TMEM272: variants seen among roughly 807,000 people sequenced by gnomAD.
TMEM272 encodes transmembrane protein 272, also known as long intergenic non-protein coding RNA 282.
In TMEM272, 8 loss-of-function variants were observed where a neutral mutation model predicts 3.7. That is an observed-to-expected ratio of 2.17 (90% CI 1.27 to 3.91). TMEM272 has a LOEUF of 3.91. TMEM272 is among the 30% of genes most tolerant of loss of function. The probability of loss-of-function intolerance (pLI) is 0.00; values close to 1 mark genes in which losing one functional copy is unlikely to be tolerated. For synonymous variants in TMEM272, 63 were observed against 39.8 expected (o/e 1.58, Z -2.20); for missense variants, 166 against 91.5 (o/e 1.81, Z -3.32).
the TMEM272 span, among the ~76,000 whole-genome samples, chr13:51,873,015 A>T: frequency 6.6e-6 from 1 of 152,240 alleles, no homozygotes; most frequent in Non-Finnish European, 1.5e-5. Context: ...TACAGTGGTC[A>T]GGGGAGGGGA....
chr13:51,868,795 G>A, the TMEM272 span, among the ~76,000 whole-genome samples: 3 of 152,174 alleles, frequency 2.0e-5, no homozygotes, highest in African/African-American at 7.2e-5. Context: ...TTCCAGACTC[G>A]AAATGAATCA....
intron 2 of TMEM272, among the ~76,000 whole-genome samples, chr13:51,832,121 C>T: frequency 6.6e-6 from 1 of 152,138 alleles, no homozygotes; most frequent in Non-Finnish European, 1.5e-5. Context: ...TTTTGGGTTG[C>T]TGGCTCTGGA....
At chr13:51,874,706 C>A in the TMEM272 span, among the ~76,000 whole-genome samples, 2 of 152,172 alleles carry the variant, frequency 1.3e-5, no homozygotes, top group Non-Finnish European at 2.9e-5. Context: ...GTGAGTCATA[C>A]GGGTGAATTC....
chr13:51,926,287 G>A, the TMEM272 span, among the ~76,000 whole-genome samples: 6 of 152,244 alleles, frequency 3.9e-5, no homozygotes, highest in African/African-American at 1.2e-4. Flanking sequence ...AGCCCCTCCC[G>A]CAGTGACCTC....
the TMEM272 span, among the ~76,000 whole-genome samples, chr13:51,915,783 C>T: frequency 6.6e-6 from 1 of 152,222 alleles, no homozygotes; most frequent in Non-Finnish European, 1.5e-5. Context: ...CTTAAAATCA[C>T]TGACACGTGG....
At chr13:51,909,867 T>C in the TMEM272 span, 16 of 1,593,546 alleles carry the variant, frequency 1.0e-5, no homozygotes, top group African/African-American at 1.9e-4. Flanking sequence ...TTGTTCTGCG[T>C]GTACTTTGGA....
chr13:51,835,277 T>C (rs1397985345), intron 2 of TMEM272, among the ~76,000 whole-genome samples: 1 of 151,638 alleles, frequency 6.6e-6, no homozygotes, highest in African/African-American at 2.4e-5. Context: ...GGCTAGAGTG[T>C]GCAGTGGTGC....
At chr13:51,932,589 G>C in the TMEM272 span, 1 of 152,170 alleles carries the variant, frequency 6.6e-6, no homozygotes, top group Non-Finnish European at 1.5e-5. Flanking sequence ...AAGACATGAA[G>C]CCAAGCCAGT....
the TMEM272 span, among the ~76,000 whole-genome samples, chr13:51,855,499 T>C: frequency 6.6e-5 from 10 of 152,116 alleles, no homozygotes; most frequent in Non-Finnish European, 1.3e-4. Flanking sequence ...GAACTGGATC[T>C]TGAATAATAA....
the TMEM272 span, among the ~76,000 whole-genome samples, chr13:51,852,604 G>C: frequency 1.3e-5 from 2 of 152,176 alleles, no homozygotes; most frequent in African/African-American, 2.4e-5. Flanking sequence ...CCGCGGCCGG[G>C]CGCGGTGGCT....
chr13:51,916,081 GA>G, the TMEM272 span, among the ~76,000 whole-genome samples: 2 of 151,874 alleles, frequency 1.3e-5, no homozygotes, highest in African/African-American at 4.8e-5. Flanking sequence ...TCAAAAAGAA[GA>G]AAAAAAATCA....
the TMEM272 span, among the ~76,000 whole-genome samples, chr13:51,926,158 G>T: frequency 2.0e-5 from 3 of 151,904 alleles, no homozygotes; most frequent in South Asian, 6.3e-4. Context: ...GGTGTGTGTG[G>T]TGTATGTGTG....
the TMEM272 span, among the ~76,000 whole-genome samples, chr13:51,914,302 C>T: frequency 1.9e-3 from 289 of 152,270 alleles, 2 homozygotes; most frequent in African/African-American, 6.6e-3. Flanking sequence ...TCATATTAAG[C>T]TCGTTTAATA....
the TMEM272 span, among the ~76,000 whole-genome samples, chr13:51,894,665 C>A: frequency 3.8e-4 from 58 of 152,112 alleles, no homozygotes; most frequent in Non-Finnish European, 2.1e-4. Context: ...GCAAATGGAG[C>A]CTGCAGTCGC....
At chr13:51,898,586 T>TA in the TMEM272 span, among the ~76,000 whole-genome samples, 1 of 150,006 alleles carries the variant, frequency 6.7e-6, no homozygotes, top group Non-Finnish European at 1.5e-5. Flanking sequence ...AGGGTTAAAC[T>TA]AAACAATATA....
the TMEM272 span, among the ~76,000 whole-genome samples, chr13:51,912,459 C>G: frequency 1.3e-5 from 2 of 152,198 alleles, no homozygotes; most frequent in Non-Finnish European, 2.9e-5. Flanking sequence ...GGAAACTGAT[C>G]TCTTACTAAA....
the TMEM272 span, among the ~76,000 whole-genome samples, chr13:51,926,681 A>G: frequency 6.6e-6 from 1 of 151,202 alleles, no homozygotes; most frequent in Non-Finnish European, 1.5e-5. Flanking sequence ...GCGCACGCAC[A>G]CGCACAGTGG....
the TMEM272 span, chr13:51,909,762 T>A: frequency 2.6e-6 from 4 of 1,565,222 alleles, no homozygotes; most frequent in Middle Eastern, 1.7e-4. Context: ...GTTACCATCA[T>A]CCGTTATGTC....
chr13:51,917,856 T>G, the TMEM272 span, among the ~76,000 whole-genome samples: 14 of 152,158 alleles, frequency 9.2e-5, no homozygotes, highest in African/African-American at 3.4e-4. Flanking sequence ...AATTCTCACG[T>G]CCCAAACTGC....
Sources: allele counts gnomAD v4.1 joint callset (sites outside exome capture counted in the v4.1 genomes callset), GRCh38; gene constraint gnomAD v4.1.1; transcripts MANE v1.5; gene names NCBI Gene and HGNC (gene_info 2026-07-23, HGNC 2026-07-21).